Variants in DGKB observed in about 807,000 individuals in gnomAD.
DGKB encodes the protein 90 kDa diacylglycerol kinase.
A neutral mutation model predicts 114.3 loss-of-function variants in DGKB; 67 were observed. The ratio of observed to expected loss-of-function variants is 0.59; its 90% CI spans 0.48 to 0.72. The LOEUF is 0.72. DGKB is among the 30% of genes least tolerant of loss of function. The pLI is 0.00. For synonymous variants in DGKB, 398 were observed against 323.1 expected, an observed-to-expected ratio of 1.23 and a Z score of -2.49; for missense variants, 907 against 975.2, an observed-to-expected ratio of 0.93 and a Z score of 0.93.
chr7:14,169,907 G>A (rs1780596868), intron 25 of DGKB, among the ~76,000 whole-genome samples: 1 of 151,992 alleles, frequency 6.6e-6, no homozygotes, highest in South Asian at 2.1e-4. Flanking sequence ...AGCCAAGGTG[G>A]GTGGATCACC....
At chr7:14,400,341 T>A (rs1822909514) in intron 21 of DGKB, among the ~76,000 whole-genome samples, 1 of 151,788 alleles carries the variant, frequency 6.6e-6, no homozygotes, top group South Asian at 2.1e-4. Flanking sequence ...CCAATAAAAA[T>A]TCGAGTATTT....
chr7:14,714,206 A>G (rs1331526726), intron 6 of DGKB, among the ~76,000 whole-genome samples: 2 of 152,084 alleles, frequency 1.3e-5, no homozygotes, highest in Non-Finnish European at 2.9e-5. Flanking sequence ...AATGTGGACT[A>G]GACTCAATCA....
At chr7:14,222,753 T>A (rs1485345615) in intron 23 of DGKB, among the ~76,000 whole-genome samples, 2 of 151,562 alleles carry the variant, frequency 1.3e-5, no homozygotes, top group Non-Finnish European at 3.0e-5. Flanking sequence ...GAAAGTGGGA[T>A]ATAGAAGTCT....
intron 23 of DGKB, among the ~76,000 whole-genome samples, chr7:14,252,893 C>T (rs10264670): frequency 0.011 from 1,740 of 152,166 alleles, 34 homozygotes; most frequent in African/African-American, 0.039. Context: ...ACTAGTGTTG[C>T]GTGTAAGGGG....
chr7:14,631,440 C>T (rs772958710), intron 13 of DGKB, among the ~76,000 whole-genome samples: 4 of 152,064 alleles, frequency 2.6e-5, no homozygotes, highest in South Asian at 4.1e-4. Flanking sequence ...TTCAGGAATA[C>T]AGCTCTATTT....
chr7:14,393,741 C>T (rs1162982046), intron 21 of DGKB, among the ~76,000 whole-genome samples: 1 of 152,104 alleles, frequency 6.6e-6, no homozygotes, highest in Non-Finnish European at 1.5e-5. Context: ...GTTAGAGAAC[C>T]CTCAAGGATA....
At chr7:14,318,720 T>G (rs1038864827) in intron 23 of DGKB, among the ~76,000 whole-genome samples, 11 of 152,198 alleles carry the variant, frequency 7.2e-5, no homozygotes, top group Admixed American at 5.2e-4. Flanking sequence ...ATTGTGGAAG[T>G]CAGTGTGGCG....
intron 1 of DGKB, among the ~76,000 whole-genome samples, chr7:14,850,334 G>A (rs961634): frequency 0.13 from 16,792 of 130,346 alleles, 1,757 homozygotes; most frequent in East Asian, 0.47. Context: ...ATATGAAATC[G>A]AGAGACTTTT....
At chr7:14,179,398 G>A (rs986715967) in intron 23 of DGKB, among the ~76,000 whole-genome samples, 1 of 152,144 alleles carries the variant, frequency 6.6e-6, no homozygotes, top group Non-Finnish European at 1.5e-5. Flanking sequence ...ATACACAATT[G>A]TACATTGTTT....
At chr7:14,164,601 A>G (rs551087708) in intron 25 of DGKB, among the ~76,000 whole-genome samples, 1 of 152,326 alleles carries the variant, frequency 6.6e-6, no homozygotes, top group South Asian at 2.1e-4. Context: ...AAAGTTAAAC[A>G]TTATGATAAA....
chr7:14,553,965 C>T (rs756362669), intron 20 of DGKB, among the ~76,000 whole-genome samples: 2 of 149,288 alleles, frequency 1.3e-5, no homozygotes, highest in African/African-American at 2.4e-5. Context: ...CTCCGCCTCC[C>T]GGGTTCACGC....
chr7:14,376,155 C>G (rs12699609), intron 21 of DGKB, among the ~76,000 whole-genome samples: 3 of 151,870 alleles, frequency 2.0e-5, no homozygotes, highest in Non-Finnish European at 4.4e-5. Context: ...AGGTAGACAA[C>G]CAGCTTGCAC....
intron 1 of DGKB, among the ~76,000 whole-genome samples, chr7:14,852,206 G>T (rs1211621781): frequency 6.6e-6 from 1 of 151,904 alleles, no homozygotes; most frequent in Non-Finnish European, 1.5e-5. Flanking sequence ...AAGTATATGT[G>T]TGTGTATGTT....
At chr7:14,885,624 A>C (rs1057456734) in intron 1 of DGKB, among the ~76,000 whole-genome samples, 4 of 151,960 alleles carry the variant, frequency 2.6e-5, no homozygotes, top group African/African-American at 9.7e-5. Context: ...GGCACAGTTA[A>C]AAATTATTCT....
At chr7:14,348,341 T>A (rs1562984408) in intron 21 of DGKB, among the ~76,000 whole-genome samples, 2 of 152,020 alleles carry the variant, frequency 1.3e-5, no homozygotes. Flanking sequence ...TATCACTGAG[T>A]AGTAGTACAT....
At chr7:14,668,855 T>C (rs1818484723) in intron 13 of DGKB, among the ~76,000 whole-genome samples, 2 of 152,146 alleles carry the variant, frequency 1.3e-5, no homozygotes, top group African/African-American at 2.4e-5. Context: ...TACATCACAT[T>C]TGCCAAAAGA....
At chr7:14,169,663 G>A (rs1018566847) in intron 25 of DGKB, among the ~76,000 whole-genome samples, 4 of 152,166 alleles carry the variant, frequency 2.6e-5, no homozygotes, top group Non-Finnish European at 4.4e-5. Context: ...TTGAGATCAA[G>A]GGAGTAAGAT....
intron 23 of DGKB, among the ~76,000 whole-genome samples, chr7:14,190,550 C>G (rs937136543): frequency 1.4e-5 from 2 of 147,028 alleles, no homozygotes; most frequent in Non-Finnish European, 3.0e-5. Context: ...AAACTCAGAG[C>G]AGAAATAAAC....
Position 14,682,660 on chromosome 7 carries a change from G to A in DGKB, c.928C>T (p.His310Tyr). ...KSKRNTDVMHHYWVEGNCPTK... is the reference protein window; with the variant it reads ...KSKRNTDVMHYYWVEGNCPTK... ...GGGCAGTTACCTTCAACCCAGTAAT[G>A]GTGCATGACCTAGAACAGAATGACA... The change falls in exon 12 of 26, where the codon CAT becomes TAT. Residue 310 changes from histidine to tyrosine, a missense_variant. By Grantham distance (83) the His-to-Tyr change is moderately conservative. Coordinates refer to ENST00000402815, the MANE Select transcript of DGKB (RefSeq NM_001350709.2). 6.2e-7 allele frequency: 1 copy of A among 1,612,898 alleles called. No homozygotes were observed. Among genetic ancestry groups the A allele is most frequent in the Non-Finnish European group, 8.5e-7 (1 of 1,179,098 alleles).
Sources: gnomAD v4.1 joint callset for allele counts (sites outside exome capture counted in the v4.1 genomes callset) on GRCh38, gnomAD v4.1.1 for gene constraint, MANE v1.5 for transcripts, NCBI Gene and HGNC (gene_info 2026-07-23, HGNC 2026-07-21) for gene names.